SCART1: variants seen among roughly 807,000 people sequenced by gnomAD.
The protein encoded by SCART1 is scavenger receptor cysteine-rich domain-containing protein SCART1.
Under a neutral mutation model 36.2 loss-of-function variants are expected in SCART1, and 62 were observed. That is an observed-to-expected ratio of 1.71 (90% CI 1.40 to 2.12). The LOEUF is 2.12. Ranked by LOEUF, SCART1 falls within the 30% of genes most tolerant of loss-of-function variation. The probability of loss-of-function intolerance (pLI) is 0.00; values close to 1 mark genes in which losing one functional copy is unlikely to be tolerated. For missense variants in SCART1, 1,041 were observed against 540.5 expected (o/e 1.93, Z -9.18); for synonymous variants, 487 against 238.7 (o/e 2.04, Z -9.59).
intron 6 of SCART1, among the ~76,000 whole-genome samples, chr10:133,463,001 AT>A (rs1214827585): frequency 3.2e-4 from 49 of 152,312 alleles, no homozygotes; most frequent in Admixed American, 1.4e-3. Context: ...ATCAGATGCA[AT>A]TCATACCCAA....
In SCART1 at chr10:133,461,819, G is replaced by A. The variant is rs116256892; in HGVS notation, c.1969+1649G>A. ...CATTCTGCTGGTTTCTGTGGAAAGC[G>A]GCGGATGTTAGCCCTTCCTCTGCAT... On this transcript the variant is annotated intron_variant, in intron 6 of 11. Coordinates refer to ENST00000640237, the Ensembl canonical transcript of SCART1. Among the ~76,000 whole-genome samples, 792 of 152,282 alleles carry A rather than the reference G, an allele frequency of 5.2e-3. 6 individuals are homozygous for A. Among genetic ancestry groups the A allele is most frequent in the African/African-American group, 0.018 (752 of 41,530 alleles).
intron 1 of SCART1, among the ~76,000 whole-genome samples, chr10:133,454,632 C>T (rs975908935): frequency 2.6e-5 from 4 of 151,998 alleles, no homozygotes; most frequent in South Asian, 2.1e-4. Context: ...CGGGGACCTG[C>T]GTACGTGGGC....
At chr10:133,467,384 T>C in intron 11 of SCART1, 31 bp downstream of exon 11, 1 of 686,120 alleles carries the variant, frequency 1.5e-6, no homozygotes, top group Non-Finnish European at 2.7e-6. Context: ...AGGGGTGAGC[T>C]CTGGGGTGGG....
chr10:133,458,567 G>C (rs753675243), exon 4 of SCART1: 1 of 686,760 alleles, frequency 1.5e-6, no homozygotes, highest in Non-Finnish European at 2.6e-6. Flanking sequence ...GCCTTCCGCT[G>C]TGCGGGCAAC....
exon 3 of SCART1, chr10:133,457,338 G>A (rs952448931): frequency 2.3e-5 from 16 of 699,916 alleles, no homozygotes; most frequent in African/African-American, 5.3e-5. Flanking sequence ...GGGACTCCCC[G>A]AGATCAGAAA....
chr10:133,460,496 A>ATATTTTTTTTTT, intron 6 of SCART1, among the ~76,000 whole-genome samples: 46 of 136,002 alleles, frequency 3.4e-4, no homozygotes, highest in Non-Finnish European at 6.0e-4. Context: ...ATATTTATAT[A>ATATTTTTTTTTT]TTTTAAAAAA....
At chr10:133,466,551 C>A (rs1226137854) in intron 10 of SCART1, among the ~76,000 whole-genome samples, 170 bp downstream of exon 10, 2 of 152,230 alleles carry the variant, frequency 1.3e-5, no homozygotes, top group Non-Finnish European at 2.9e-5. Flanking sequence ...AAGAGGCAGA[C>A]AAATCCAGTT....
intron 2 of SCART1, chr10:133,456,960 C>T: frequency 2.0e-6 from 1 of 510,628 alleles, no homozygotes; most frequent in South Asian, 2.8e-5. Context: ...AGCTGTCCCT[C>T]ACATTTTATG....
chr10:133,458,404 G>A (rs111897681), exon 4 of SCART1: 10 of 702,182 alleles, frequency 1.4e-5, no homozygotes, highest in African/African-American at 5.2e-5. Flanking sequence ...CCCCTGCGCC[G>A]GGCGCCTGGA....
At chr10:133,460,496 A>ATATATTTTTTTT in intron 6 of SCART1, among the ~76,000 whole-genome samples, 1 of 136,016 alleles carries the variant, frequency 7.4e-6, no homozygotes, top group Non-Finnish European at 1.6e-5. Flanking sequence ...ATATTTATAT[A>ATATATTTTTTTT]TTTTAAAAAA....
exon 4 of SCART1, chr10:133,458,471 T>A (rs1850648724): frequency 1.4e-6 from 1 of 693,482 alleles, no homozygotes; most frequent in African/African-American, 1.8e-5. Flanking sequence ...GCCCACGTGG[T>A]GTGCCGGGAG....
intron 9 of SCART1, chr10:133,465,927 A>T (rs1008091838): frequency 6.0e-6 from 4 of 671,584 alleles, no homozygotes; most frequent in Non-Finnish European, 8.2e-6. Flanking sequence ...CAGCAGTGGT[A>T]ACTTTCCCTG....
At chr10:133,463,758 T>A (rs888208275) in intron 6 of SCART1, among the ~76,000 whole-genome samples, 2 of 152,164 alleles carry the variant, frequency 1.3e-5, no homozygotes, top group African/African-American at 4.8e-5. Flanking sequence ...CCATATAATG[T>A]GTAGTGATAA....
chr10:133,462,507 A>C lies in SCART1; in HGVS notation c.1970-2099A>C, dbSNP rs117468344. Reference sequence around the variant, plus strand: ...AGAAAAAACCATCTGTAATCCCAACACCCAGAGATAAAGCCATCGTGAATG... The same window carrying C: ...AGAAAAAACCATCTGTAATCCCAACCCCCAGAGATAAAGCCATCGTGAATG... On this transcript the variant is annotated intron_variant, in intron 6 of 11. Transcript: ENST00000640237. Among the ~76,000 whole-genome samples the C allele has an allele frequency of 5.9e-3, 896 of 152,354 alleles. 3 individuals are homozygous for C. Among genetic ancestry groups the C allele is most frequent in the Non-Finnish European group, 0.01 (682 of 68,040 alleles).
At chr10:133,459,657 G>A (rs1044342287) in exon 6 of SCART1, 48 of 692,868 alleles carry the variant, frequency 6.9e-5, no homozygotes, top group Admixed American at 3.7e-4. Context: ...AGCCTATGAC[G>A]CACCTGCCCC....
rs868430142 is a variant in SCART1, at chr10:133,456,793, A to C, written c.385+239A>C. ...CCAGGGAGAGTCAGAGATTGGAGGAAGGAAGCAGAGTGCGGCCCAGGCGTG... is the reference window on the plus strand; with the variant it reads ...CCAGGGAGAGTCAGAGATTGGAGGACGGAAGCAGAGTGCGGCCCAGGCGTG... On this transcript the variant is annotated intron_variant, in intron 2 of 11. Coordinates refer to ENST00000640237, the Ensembl canonical transcript of SCART1. Among the ~76,000 whole-genome samples the C allele has an allele frequency of 1.3e-5, 2 of 152,120 alleles. 1 individual carries two copies. The highest frequency in any genetic ancestry group is 4.8e-5 in the African/African-American group (2 of 41,416).
intron 6 of SCART1, among the ~76,000 whole-genome samples, chr10:133,463,023 G>A (rs1053948465): frequency 2.6e-5 from 4 of 152,150 alleles, no homozygotes; most frequent in Admixed American, 6.5e-5. Context: ...TGTTCTCCAA[G>A]TATCCTGGTA....
downstream of SCART1, chr10:133,469,332 C>T (rs952159261): frequency 6.6e-6 from 1 of 152,146 alleles, no homozygotes; most frequent in Non-Finnish European, 1.5e-5. Flanking sequence ...CCGTAGGTTG[C>T]CTGTTCACTC....
chr10:133,454,982 T>C (rs1850590258), intron 1 of SCART1, among the ~76,000 whole-genome samples: 2 of 152,146 alleles, frequency 1.3e-5, no homozygotes. Flanking sequence ...GAAAAGCTAT[T>C]CATAGCGGGC....
Sources: gnomAD v4.1 joint callset for allele counts (sites outside exome capture counted in the v4.1 genomes callset) on GRCh38, gnomAD v4.1.1 for gene constraint, MANE v1.5 for transcripts, NCBI Gene and HGNC (gene_info 2026-07-23, HGNC 2026-07-21) for gene names.